The following TEKT5 variants were observed in gnomAD, a reference collection of about 807,000 sequenced individuals.
The protein encoded by TEKT5 is tektin-5.
In TEKT5, 52 loss-of-function variants were observed where a neutral mutation model predicts 48.7. The ratio of observed to expected loss-of-function variants is 1.07; its 90% CI spans 0.86 to 1.35. The LOEUF is 1.35. Among genes scored for constraint, TEKT5 ranks in the 40% most tolerant of loss-of-function variants. The probability of loss-of-function intolerance (pLI) is 0.00; values close to 1 mark genes in which losing one functional copy is unlikely to be tolerated. For synonymous variants in TEKT5, 318 were observed against 267.6 expected, an observed-to-expected ratio of 1.19 and a Z score of -1.84; for missense variants, 831 against 641.6, an observed-to-expected ratio of 1.30 and a Z score of -3.19.
chr16:10,692,344 A>G (rs1898994552), intron 1 of TEKT5, among the ~76,000 whole-genome samples: 2 of 152,210 alleles, frequency 1.3e-5, no homozygotes, highest in African/African-American at 4.8e-5. Context: ...GGATTTGGAC[A>G]TCCTAGAGTG....
intron 5 of TEKT5, among the ~76,000 whole-genome samples, chr16:10,649,382 AT>A (rs1233361240): frequency 6.6e-6 from 1 of 151,998 alleles, no homozygotes; most frequent in African/African-American, 2.4e-5. Context: ...AAGTTCTGGG[AT>A]TATAGGCATG....
chr16:10,659,725 T>C (rs1362337895), intron 5 of TEKT5, among the ~76,000 whole-genome samples: 2 of 152,156 alleles, frequency 1.3e-5, no homozygotes, highest in East Asian at 3.8e-4. Flanking sequence ...TGTATTCACA[T>C]TCAAAATAAG....
intron 5 of TEKT5, among the ~76,000 whole-genome samples, chr16:10,675,656 G>A (rs1259845490): frequency 6.6e-6 from 1 of 152,176 alleles, no homozygotes; most frequent in Admixed American, 6.5e-5. Context: ...CTCTGCACTC[G>A]CGCTCGGCCA....
intron 5 of TEKT5, among the ~76,000 whole-genome samples, chr16:10,652,104 T>C (rs1375562588): frequency 6.6e-6 from 1 of 152,196 alleles, no homozygotes; most frequent in Admixed American, 6.5e-5. Context: ...TAATCATTCC[T>C]AGTCCATGGG....
At chr16:10,660,107 G>T (rs1898336900) in intron 5 of TEKT5, among the ~76,000 whole-genome samples, 1 of 152,186 alleles carries the variant, frequency 6.6e-6, no homozygotes, top group Non-Finnish European at 1.5e-5. Context: ...GCAACGTGAT[G>T]AGGTCACAGC....
At chr16:10,690,481 C>A (rs1898950060) in intron 1 of TEKT5, 1 of 806,488 alleles carries the variant, frequency 1.2e-6, no homozygotes, top group Non-Finnish European at 1.5e-6. Context: ...AACCTCTCTG[C>A]TGGTTTCCTC....
intron 4 of TEKT5, among the ~76,000 whole-genome samples, chr16:10,678,472 T>C (rs1078312): frequency 0.23 from 34,640 of 152,062 alleles, 4,639 homozygotes; most frequent in East Asian, 0.54. Flanking sequence ...GCTTGTGTGA[T>C]TGTTTTGCTT....
chr16:10,682,775 C>A (rs1898780685), intron 3 of TEKT5, among the ~76,000 whole-genome samples: 1 of 152,194 alleles, frequency 6.6e-6, no homozygotes, highest in Non-Finnish European at 1.5e-5. Flanking sequence ...ATCCATGTGG[C>A]TTCATCTCAA....
At chr16:10,632,561 G>A (rs1034415376) in intron 6 of TEKT5, among the ~76,000 whole-genome samples, 4 of 152,088 alleles carry the variant, frequency 2.6e-5, no homozygotes, top group Non-Finnish European at 1.5e-5. Flanking sequence ...CTCCCAAAGT[G>A]CTGGGGTTAC....
intron 6 of TEKT5, among the ~76,000 whole-genome samples, chr16:10,634,797 A>C (rs1163681251): frequency 6.6e-6 from 1 of 152,174 alleles, no homozygotes; most frequent in Non-Finnish European, 1.5e-5. Context: ...CAGCCAGCAA[A>C]GAACTGAGTT....
chr16:10,685,313 T>TC (rs1898843359), intron 3 of TEKT5, among the ~76,000 whole-genome samples: 1 of 152,130 alleles, frequency 6.6e-6, no homozygotes, highest in Non-Finnish European at 1.5e-5. Context: ...TCTCTCTCTC[T>TC]TTTTTTGAGA....
chr16:10,662,838 C>G (rs1898397673), intron 5 of TEKT5, among the ~76,000 whole-genome samples: 1 of 152,214 alleles, frequency 6.6e-6, no homozygotes, highest in Non-Finnish European at 1.5e-5. Flanking sequence ...ATCTGTAAAA[C>G]AGGTCTAATA....
chr16:10,685,343 G>A (rs926125890), intron 3 of TEKT5, among the ~76,000 whole-genome samples: 5 of 151,810 alleles, frequency 3.3e-5, no homozygotes, highest in South Asian at 2.1e-4. Flanking sequence ...TCTGTGGCCC[G>A]GACTGGAGTG....
At chr16:10,662,211 C>G (rs2142287676) in intron 5 of TEKT5, among the ~76,000 whole-genome samples, 1 of 152,262 alleles carries the variant, frequency 6.6e-6, no homozygotes, top group Admixed American at 6.5e-5. Flanking sequence ...AGCACGCACC[C>G]CCATTTGTGA....
At chr16:10,661,606 A>C (rs1898372075) in intron 5 of TEKT5, among the ~76,000 whole-genome samples, 1 of 152,216 alleles carries the variant, frequency 6.6e-6, no homozygotes, top group Non-Finnish European at 1.5e-5. Context: ...CAGTGTGGAC[A>C]ATTGCTAAAG....
intron 4 of TEKT5, among the ~76,000 whole-genome samples, chr16:10,677,416 C>T (rs1898667805): frequency 6.8e-6 from 1 of 147,040 alleles, no homozygotes; most frequent in Non-Finnish European, 1.5e-5. Flanking sequence ...TTGAGACCAG[C>T]CTGGCCAACA....
intron 4 of TEKT5, among the ~76,000 whole-genome samples, chr16:10,680,948 A>G (rs1473639477): frequency 6.6e-6 from 1 of 150,830 alleles, no homozygotes; most frequent in South Asian, 2.1e-4. Context: ...AGCATGGCAC[A>G]TGTATACATA....
At chr16:10,684,580 G>C (rs923046021) in intron 3 of TEKT5, among the ~76,000 whole-genome samples, 13 of 152,132 alleles carry the variant, frequency 8.5e-5, no homozygotes, top group Non-Finnish European at 1.3e-4. Flanking sequence ...CAGAGTCCTG[G>C]AGAAATGGGG....
intron 5 of TEKT5, among the ~76,000 whole-genome samples, chr16:10,655,570 A>T (rs1210273980): frequency 6.6e-6 from 1 of 152,238 alleles, no homozygotes; most frequent in East Asian, 1.9e-4. Context: ...AACCTGTGGA[A>T]CACTATAAAA....
Sources: gnomAD v4.1 joint callset for allele counts (sites outside exome capture counted in the v4.1 genomes callset) on GRCh38, gnomAD v4.1.1 for gene constraint, MANE v1.5 for transcripts, NCBI Gene and HGNC (gene_info 2026-07-23, HGNC 2026-07-21) for gene names.